TCERG1L: variants seen among roughly 807,000 people sequenced by gnomAD.
TCERG1L encodes the protein transcription elongation regulator 1-like protein.
In TCERG1L, 37 loss-of-function variants were observed where a neutral mutation model predicts 56.3. That is an observed-to-expected ratio of 0.66 (90% CI 0.51 to 0.87). The LOEUF is 0.87. TCERG1L is among the 40% of genes least tolerant of loss of function. The probability of loss-of-function intolerance (pLI) is 0.00; values close to 1 mark genes in which losing one functional copy is unlikely to be tolerated. For synonymous variants in TCERG1L, 324 were observed against 326.3 expected (o/e 0.99, Z 0.08); for missense variants, 799 against 774.2 (o/e 1.03, Z -0.38).
In TCERG1L at chr10:131,221,889, G is replaced by A. The variant is rs144021693; in HGVS notation, c.856+38370C>T. 6.9e-3 allele frequency among the ~76,000 whole-genome samples: 1,056 copies of A among 152,340 alleles called. 1 individual carries two copies. Among genetic ancestry groups the A allele is most frequent in the Non-Finnish European group, 0.012 (793 of 68,042 alleles). ...CCGCACAGGGCAAATGAGAATCTGC[G>A]TGGGCATCCCAGCTACAGCCTCCGA... On this transcript the variant is annotated intron_variant, in intron 4 of 11. Coordinates refer to ENST00000368642, the MANE Select transcript of TCERG1L (RefSeq NM_174937.4).
At chr10:131,123,542 G>A (rs1190896565) in intron 8 of TCERG1L, among the ~76,000 whole-genome samples, 2 of 152,276 alleles carry the variant, frequency 1.3e-5, no homozygotes, top group East Asian at 3.9e-4. Flanking sequence ...AGTGCTCAGA[G>A]GTCTGCGAGG....
chr10:131,255,434 A>T (rs1255787951), intron 4 of TCERG1L, among the ~76,000 whole-genome samples: 1 of 152,256 alleles, frequency 6.6e-6, no homozygotes, highest in Non-Finnish European at 1.5e-5. Context: ...ATATATTTTT[A>T]AAAATAGCAA....
chr10:131,282,409 G>C (rs1846469979), intron 3 of TCERG1L, among the ~76,000 whole-genome samples: 1 of 152,148 alleles, frequency 6.6e-6, no homozygotes, highest in Non-Finnish European at 1.5e-5. Context: ...AATGTGTAGT[G>C]GTTGCTGATA....
intron 4 of TCERG1L, among the ~76,000 whole-genome samples, chr10:131,232,875 G>A (rs1381278873): frequency 6.6e-6 from 1 of 152,168 alleles, no homozygotes; most frequent in Non-Finnish European, 1.5e-5. Flanking sequence ...CAAAACTCAA[G>A]GTGTGGTCAG....
intron 4 of TCERG1L, among the ~76,000 whole-genome samples, chr10:131,180,755 C>T (rs1845165658): frequency 6.6e-6 from 1 of 151,742 alleles, no homozygotes; most frequent in Admixed American, 6.6e-5. Flanking sequence ...ACCTTCAGTT[C>T]TATATGGAAG....
intron 4 of TCERG1L, among the ~76,000 whole-genome samples, chr10:131,230,329 C>T (rs1245342930): frequency 6.6e-6 from 1 of 152,230 alleles, no homozygotes; most frequent in East Asian, 1.9e-4. Context: ...GTGGTGGTCA[C>T]TGCGTGCCTG....
intron 4 of TCERG1L, among the ~76,000 whole-genome samples, chr10:131,185,175 A>C (rs1845222308): frequency 6.6e-6 from 1 of 152,230 alleles, no homozygotes. Flanking sequence ...AAATAATTAG[A>C]TAACAAGATG....
chr10:131,255,087 C>T (rs1177395973), intron 4 of TCERG1L, among the ~76,000 whole-genome samples: 2 of 152,146 alleles, frequency 1.3e-5, no homozygotes, highest in African/African-American at 4.8e-5. Flanking sequence ...GGGCAGAACA[C>T]CAGCAGGGTG....
chr10:131,101,833 T>G (rs983895102), intron 10 of TCERG1L, among the ~76,000 whole-genome samples: 3 of 152,118 alleles, frequency 2.0e-5, no homozygotes, highest in African/African-American at 7.2e-5. Flanking sequence ...CCTGAGTAAC[T>G]GGGATTACAA....
intron 6 of TCERG1L, chr10:131,160,791 T>C (rs1845969034): frequency 6.6e-6 from 1 of 152,028 alleles, no homozygotes; most frequent in Admixed American, 6.5e-5. Context: ...CAGGGAACCG[T>C]TTTCATTTGC....
At position 131,267,512 on chromosome 10, in the gene TCERG1L, G is replaced by T. The variant is rs1045981512; in HGVS notation, c.671-7068C>A. ...CCTGCCTGTCCCAGCTCTGCAAAGT[G>T]AGCAGACCTGGCTGTGCCCTTCTCT... On this transcript the variant is annotated intron_variant, in intron 3 of 11. Transcript: ENST00000368642. This position sits in a 1 kb window ranked among gnomAD's most constrained non-coding sequence, Gnocchi z 4.9. 2.9e-4 allele frequency among the ~76,000 whole-genome samples: 44 copies of T among 152,292 alleles called. No individual in the cohort carries two copies. Among genetic ancestry groups the T allele is most frequent in the African/African-American group, 1.0e-3 (42 of 41,562 alleles).
At chr10:131,179,626 G>A (rs1845148293) in intron 4 of TCERG1L, among the ~76,000 whole-genome samples, 1 of 152,208 alleles carries the variant, frequency 6.6e-6, no homozygotes, top group South Asian at 2.1e-4. Flanking sequence ...CACCATGGAG[G>A]GCTGGCGGGG....
At position 131,267,173 on chromosome 10, in the gene TCERG1L, C is replaced by A. The variant is rs1032505317; in HGVS notation, c.671-6729G>T. Among the ~76,000 whole-genome samples, 1 of 152,162 alleles carries A rather than the reference C, an allele frequency of 6.6e-6. No individual in the cohort carries two copies. Among genetic ancestry groups the A allele is most frequent in the African/African-American group, 2.4e-5 (1 of 41,432 alleles). ...AGGCCAGTGCTGAGTTGCCACCAGC[C>A]CCGTCTCAGCCTCCCACCTGCGCTC... On this transcript the variant is annotated intron_variant, in intron 3 of 11. Coordinates refer to ENST00000368642, the MANE Select transcript of TCERG1L (RefSeq NM_174937.4). This position sits in a 1 kb window ranked among gnomAD's most constrained non-coding sequence, Gnocchi z 4.9.
chr10:131,225,679 C>T (rs968971647), intron 4 of TCERG1L, among the ~76,000 whole-genome samples: 4 of 152,264 alleles, frequency 2.6e-5, no homozygotes, highest in South Asian at 2.1e-4. Flanking sequence ...CCACATGGAA[C>T]GCAGAATGAG....
intron 4 of TCERG1L, among the ~76,000 whole-genome samples, chr10:131,259,070 T>C (rs1846205970): frequency 6.6e-6 from 1 of 152,204 alleles, no homozygotes; most frequent in Admixed American, 6.5e-5. Context: ...ACAATTTTGA[T>C]CTTGAGAATA....
At position 131,260,157 on chromosome 10, in the gene TCERG1L, A is replaced by G. The variant is rs376403320; in HGVS notation, c.856+102T>C. ...TTTCCCTCAACCGGAGCCGGGCTTC[A>G]GGTCCCACAGCGCCTGGGCCCAGGC... On this transcript the variant is annotated intron_variant, in intron 4 of 11. Coordinates refer to ENST00000368642, the MANE Select transcript of TCERG1L (RefSeq NM_174937.4). The surrounding 1 kb of genome is among the most constrained non-coding windows in gnomAD (Gnocchi z 5.8). 1.6e-5 allele frequency: 20 copies of G among 1,239,450 alleles called. No individual in the cohort carries two copies. The Middle Eastern group carries it at 9.3e-4, about 57-fold the overall frequency. 76.8% of individuals were successfully genotyped at this position (1,239,450 alleles called of 1,614,324 possible). A position where few individuals can be genotyped will look rare whatever the true frequency, so the allele number is the denominator to read the frequency against.
In TCERG1L at chr10:131,109,078, G is replaced by T. The variant is rs181018426; in HGVS notation, c.1396-4724C>A. 3.4e-4 allele frequency among the ~76,000 whole-genome samples: 52 copies of T among 152,222 alleles called. 1 individual carries two copies. Among genetic ancestry groups the T allele is most frequent in the African/African-American group, 1.2e-3 (49 of 41,520 alleles). ...ATGAGCACAGTGTTGTGGGGTGGGGGGGGTGGAGGGTGGTGCTTAGAACCC... is the reference window on the plus strand; with the variant it reads ...ATGAGCACAGTGTTGTGGGGTGGGGTGGGTGGAGGGTGGTGCTTAGAACCC... On this transcript the variant is annotated intron_variant, in intron 9 of 11. Coordinates refer to ENST00000368642, the MANE Select transcript of TCERG1L (RefSeq NM_174937.4).
chr10:131,146,396 T>C (rs1845794538), intron 7 of TCERG1L, 110 bp downstream of exon 7: 13 of 1,256,198 alleles, frequency 1.0e-5, no homozygotes, highest in Non-Finnish European at 1.3e-5. Context: ...GATTCCTTAA[T>C]AGTCAATTTT....
intron 6 of TCERG1L, among the ~76,000 whole-genome samples, chr10:131,155,725 G>A (rs555660094): frequency 4.6e-5 from 7 of 152,306 alleles, no homozygotes; most frequent in South Asian, 4.1e-4. Flanking sequence ...GCCTGGGAAC[G>A]AAAGCAAGGT....
Sources: gnomAD v4.1 joint callset for allele counts (sites outside exome capture counted in the v4.1 genomes callset) on GRCh38, gnomAD v4.1.1 for gene constraint, Gnocchi (gnomAD v3.1) non-coding constraint, MANE v1.5 for transcripts, NCBI Gene and HGNC (gene_info 2026-07-23, HGNC 2026-07-21) for gene names.